WASHC5: variants seen among roughly 807,000 people sequenced by gnomAD.
WASHC5 encodes WASH complex subunit strumpellin.
A neutral mutation model predicts 150.4 loss-of-function variants in WASHC5; 101 were observed. That is an observed-to-expected ratio of 0.67 (90% CI 0.57 to 0.79). The LOEUF (loss-of-function observed/expected upper bound fraction) is 0.79, where lower values mean the gene tolerates loss of function less well. Among genes scored for constraint, WASHC5 ranks in the 30% least tolerant of loss-of-function variants. The pLI, the probability that WASHC5 is intolerant of heterozygous loss-of-function variation, is 0.00. For missense variants in WASHC5, 1,195 were observed against 1,396.3 expected (o/e 0.86, Z 2.30); for synonymous variants, 467 against 491.2 (o/e 0.95, Z 0.65).
intron 26 of WASHC5, among the ~76,000 whole-genome samples, chr8:125,035,461 A>G (rs1815674346): frequency 6.6e-6 from 1 of 152,258 alleles, no homozygotes; most frequent in Non-Finnish European, 1.5e-5. Flanking sequence ...CATAGAACAG[A>G]GAGAGAACAT....
At chr8:125,058,479 G>A (rs1379579908) in intron 14 of WASHC5, among the ~76,000 whole-genome samples, 10 of 152,116 alleles carry the variant, frequency 6.6e-5, no homozygotes, top group Non-Finnish European at 1.3e-4. Context: ...GGGCGTGGGG[G>A]CTCACACCTG....
At chr8:125,077,481 G>C (rs1316091770) in intron 6 of WASHC5, among the ~76,000 whole-genome samples, 1 of 152,188 alleles carries the variant, frequency 6.6e-6, no homozygotes, top group African/African-American at 2.4e-5. Context: ...GACCAGGGAT[G>C]GGGGAGGTGC....
intron 16 of WASHC5, 54 bp from the exon 17 acceptor site, chr8:125,055,725 A>G: frequency 1.9e-6 from 2 of 1,038,496 alleles, no homozygotes; most frequent in East Asian, 2.4e-5. Context: ...TCCTGGAATG[A>G]ACAAAGATAA....
intron 17 of WASHC5, among the ~76,000 whole-genome samples, chr8:125,054,560 G>A (rs1467894921): frequency 7.2e-5 from 11 of 152,094 alleles, no homozygotes; most frequent in African/African-American, 2.7e-4. Flanking sequence ...TGGGCCGGGC[G>A]TGGTGGCTCA....
At position 125,044,595 on chromosome 8, in the gene WASHC5, T is replaced by C. The variant is rs1468346055; in HGVS notation, c.2608A>G (p.Thr870Ala). Residue 870 changes from threonine to alanine, a missense_variant, in exon 21 of 29, where the codon ACC (threonine) becomes GCC (alanine). This residue lies in a region of WASHC5 where 997 missense variants were observed against 1,168.1 expected (regional missense o/e 0.85). Transcript: ENST00000318410. Reference protein sequence around the residue: ...LFSEIQTTLGTFGLNGLDRLL... With the variant: ...LFSEIQTTLGAFGLNGLDRLL... ...CTGTCTAAGCCATTTAGACCAAAGG[T>C]TCCCAAGGTGGTCTGGATTTCTGAG... 1.2e-6 allele frequency: 2 copies of C among 1,614,118 alleles called. No individual in the cohort carries two copies. The highest frequency in any genetic ancestry group is 4.5e-5 in the East Asian group (2 of 44,880).
chr8:125,041,083 T>C (rs1453444221), intron 23 of WASHC5, among the ~76,000 whole-genome samples: 2 of 152,206 alleles, frequency 1.3e-5, no homozygotes, highest in Non-Finnish European at 1.5e-5. Flanking sequence ...TTGGAGATTA[T>C]CTGCAATGGT....
chr8:125,082,298 G>T, intron 4 of WASHC5, 85 bp downstream of exon 4: 1 of 782,872 alleles, frequency 1.3e-6, no homozygotes, highest in Non-Finnish European at 2.3e-6. Flanking sequence ...ATGGTATTTC[G>T]TATATATTTG....
chr8:125,035,023 T>TA (rs1815657822), intron 26 of WASHC5, among the ~76,000 whole-genome samples: 1 of 152,064 alleles, frequency 6.6e-6, no homozygotes, highest in Non-Finnish European at 1.5e-5. Context: ...AATCAAGACA[T>TA]TATTGGCATA....
At chr8:125,047,120 C>G (rs2130036134) in intron 20 of WASHC5, 87 bp downstream of exon 20, 1 of 1,534,442 alleles carries the variant, frequency 6.5e-7, no homozygotes, top group East Asian at 2.3e-5. Context: ...ACCCCCGTGA[C>G]TGGAATAGGG....
At chr8:125,030,778 T>C (rs76375119) in intron 27 of WASHC5, among the ~76,000 whole-genome samples, 1,635 of 152,080 alleles carry the variant, frequency 0.011, 17 homozygotes, top group Non-Finnish European at 0.013. Context: ...AATACAAGTT[T>C]GGGAAGCCAC....
chr8:125,038,767 G>A (rs1225114464), intron 25 of WASHC5, 63 bp downstream of exon 25: 1 of 1,594,760 alleles, frequency 6.3e-7, no homozygotes. Context: ...ACAGTAATCT[G>A]TTACCTGGGC....
chr8:125,043,870 G>A lies in WASHC5; in HGVS notation c.2805C>T (p.Ala935=). Residue 935 remains alanine, a synonymous_variant, in exon 23 of 29, where the codon GCC becomes GCT. Coordinates refer to ENST00000318410, the MANE Select transcript of WASHC5 (RefSeq NM_014846.4). The stretch of plus-strand genomic sequence containing the variant: ...ACGCAGTCCAAATCTTCTGTGTTTT[G>A]GCAATGGCGGAAAAATAAATTTTAT... ...NSNKIYFSAI[A]KTQKIWTAYL... 2 of 1,612,876 alleles carry A rather than the reference G, an allele frequency of 1.2e-6. No individual in the cohort carries two copies. The highest frequency in any genetic ancestry group is 1.7e-5 in the Admixed American group (1 of 59,996).
intron 28 of WASHC5, 102 bp from the exon 29 acceptor site, chr8:125,024,775 A>G (rs1036938448): frequency 5.6e-5 from 45 of 805,888 alleles, no homozygotes; most frequent in Admixed American, 1.8e-4. Flanking sequence ...GGTGAATAAT[A>G]GAAGAGGAGA....
At position 125,047,223 on chromosome 8, in the gene WASHC5, G is replaced by A. The variant is rs772770553; in HGVS notation, c.2488C>T (p.Arg830Trp). ...FIGRLCREIL[R>W]ITDPKMTCHI... ...TACACCTACTTTGGGTCTGTGATCC[G>A]CAGGATTTCTCTGCAGAGTCGACCA... Residue 830 changes from arginine (R) to tryptophan (W), a missense_variant, in exon 20 of 29, where the codon CGG (arginine) becomes TGG (tryptophan). Arg to Trp is a moderately radical substitution (Grantham distance 101, BLOSUM62 -3). This residue lies in a region of WASHC5 where 997 missense variants were observed against 1,168.1 expected (regional missense o/e 0.85). Transcript: ENST00000318410. The A allele has an allele frequency of 1.2e-5, 20 of 1,613,816 alleles. No individual in the cohort carries two copies. The highest frequency in any genetic ancestry group is 2.2e-5 in the East Asian group (1 of 44,878).
intron 23 of WASHC5, 137 bp from the exon 24 acceptor site, chr8:125,040,035 A>C (rs143963651): frequency 1.4e-6 from 1 of 699,260 alleles, no homozygotes; most frequent in African/African-American, 1.8e-5. Context: ...GATTTCCTGA[A>C]CTGATCTCTT....
At chr8:125,090,590 G>A (rs952353636) in intron 1 of WASHC5, among the ~76,000 whole-genome samples, 1 of 152,134 alleles carries the variant, frequency 6.6e-6, no homozygotes, top group Non-Finnish European at 1.5e-5. Flanking sequence ...ATTTGGCGTG[G>A]AACTGTGATT....
At chr8:125,067,869 T>C (rs1816794746) in intron 9 of WASHC5, 150 bp from the exon 10 acceptor site, 1 of 790,048 alleles carries the variant, frequency 1.3e-6, no homozygotes, top group African/African-American at 1.7e-5. Flanking sequence ...ATATAGTACA[T>C]CTATGCCATG....
At chr8:125,040,617 T>G (rs999425947) in intron 23 of WASHC5, 2 of 152,342 alleles carry the variant, frequency 1.3e-5, no homozygotes, top group African/African-American at 4.8e-5. Flanking sequence ...CATACTGTTC[T>G]CGTAATAGTG....
At chr8:125,028,841 C>T in intron 27 of WASHC5, 134 bp from the exon 28 acceptor site, 1 of 690,868 alleles carries the variant, frequency 1.4e-6, no homozygotes, top group Non-Finnish European at 2.6e-6. Context: ...TGAGCATGCT[C>T]TTAATTCCTG....
Sources: gnomAD v4.1 joint callset for allele counts (sites outside exome capture counted in the v4.1 genomes callset) on GRCh38, gnomAD v4.1.1 for gene constraint, gnomAD v4.1.1 regional missense constraint, MANE v1.5 for transcripts, NCBI Gene and HGNC (gene_info 2026-07-23, HGNC 2026-07-21) for gene names.